Variants in AUH observed in about 807,000 individuals in gnomAD.
AUH encodes the protein AU RNA binding methylglutaconyl-CoA hydratase.
A neutral mutation model predicts 42.3 loss-of-function variants in AUH; 29 were observed. The observed-to-expected ratio is 0.69, with a 90% CI of 0.51 to 0.93. AUH has a LOEUF of 0.93. AUH is among the 40% of genes least tolerant of loss of function. The pLI, the probability that AUH is intolerant of heterozygous loss-of-function variation, is 0.00. For missense variants in AUH, 452 were observed against 438.1 expected (o/e 1.03, Z -0.28); for synonymous variants, 174 against 166.4 (o/e 1.05, Z -0.35).
intron 4 of AUH, among the ~76,000 whole-genome samples, chr9:91,310,982 A>T (rs1828660082): frequency 6.6e-6 from 1 of 152,198 alleles, no homozygotes; most frequent in Non-Finnish European, 1.5e-5. Context: ...ATAAAATTCA[A>T]ATGTATCCCA....
chr9:91,231,824 T>G (rs927618849), intron 6 of AUH, among the ~76,000 whole-genome samples: 2 of 152,044 alleles, frequency 1.3e-5, no homozygotes, highest in Admixed American at 6.6e-5. Context: ...GATTACGACA[T>G]CAGCAAGTAA....
In AUH at chr9:91,254,586, T is replaced by C. The variant is rs188454231; in HGVS notation, c.656-33594A>G. ...TGAGGGCAGGTAACAGAAGACTAAA[T>C]TAAAAGTGTGATAGTAGAAACAAAA... is the stretch of plus-strand genomic sequence containing the variant. On this transcript the variant is annotated intron_variant, in intron 6 of 9. Transcript: ENST00000375731. Among the ~76,000 whole-genome samples the C allele has an allele frequency of 1.4e-3, 211 of 152,264 alleles. 1 individual carries two copies. The highest frequency in any genetic ancestry group is 4.5e-3 in the African/African-American group (186 of 41,542).
chr9:91,253,046 TAAAC>T (rs1429778628), intron 6 of AUH, among the ~76,000 whole-genome samples: 1 of 152,226 alleles, frequency 6.6e-6, no homozygotes, highest in East Asian at 1.9e-4. Flanking sequence ...TACAATTTCT[TAAAC>T]AAAGCCCTTT....
chr9:91,358,864 G>A (rs979810615), intron 1 of AUH, among the ~76,000 whole-genome samples: 3 of 152,130 alleles, frequency 2.0e-5, no homozygotes, highest in African/African-American at 7.2e-5. Context: ...ACCATCAAAT[G>A]TATCTGTAGG....
In AUH at chr9:91,361,805, A is replaced by G; in HGVS notation, c.85T>C (p.Trp29Arg). The change falls in exon 1 of 10, where the codon TGG becomes CGG. Residue 29 changes from tryptophan to arginine, a missense_variant. Coordinates refer to ENST00000375731, the MANE Select transcript of AUH (RefSeq NM_001698.3). Reference protein sequence around the residue: ...GARLVAACSAWLCPGLRLPGS... With the variant: ...GARLVAACSARLCPGLRLPGS... ...GGCAGCCTCAACCCCGGGCAGAGCC[A>G]CGCACTGCAAGCGGCCACCAGGCGG... The G allele has an allele frequency of 6.6e-7, 1 of 1,525,862 alleles. No homozygotes were observed. Among genetic ancestry groups the G allele is most frequent in the Non-Finnish European group, 8.8e-7 (1 of 1,140,372 alleles). 94.5% of individuals were successfully genotyped at this position (1,525,862 alleles called of 1,614,324 possible). A position where few individuals can be genotyped will look rare whatever the true frequency, so the allele number is the denominator to read the frequency against.
At chr9:91,306,734 T>G (rs184899626) in intron 4 of AUH, among the ~76,000 whole-genome samples, 2 of 152,316 alleles carry the variant, frequency 1.3e-5, no homozygotes, top group African/African-American at 4.8e-5. Context: ...CACAGGGAAC[T>G]TGACAGTCTC....
chr9:91,324,972 A>G (rs1317231720), intron 4 of AUH, among the ~76,000 whole-genome samples: 1 of 152,086 alleles, frequency 6.6e-6, no homozygotes, highest in African/African-American at 2.4e-5. Context: ...TAAGTCTTAA[A>G]AAAGTATGAT....
At chr9:91,231,879 G>A (rs1313707642) in intron 6 of AUH, among the ~76,000 whole-genome samples, 4 of 152,188 alleles carry the variant, frequency 2.6e-5, no homozygotes. Context: ...GTACTACAGA[G>A]TATGAGGAGA....
In AUH at chr9:91,309,237, C is replaced by T. The variant is rs138318957; in HGVS notation, c.506-11161G>A. Among the ~76,000 whole-genome samples the T allele has an allele frequency of 4.2e-4, 64 of 151,964 alleles. 1 individual carries two copies. The highest frequency in any genetic ancestry group is 1.4e-3 in the African/African-American group (58 of 41,516). The stretch of plus-strand genomic sequence containing the variant: ...ACCCATGAGGGATCCACTCCCATGA[C>T]TCCAACACCTCCCACCAGGCCCCAC... On this transcript the variant is annotated intron_variant, in intron 4 of 9. Transcript: ENST00000375731.
chr9:91,335,949 C>T (rs1199892775), intron 3 of AUH, among the ~76,000 whole-genome samples: 1 of 152,078 alleles, frequency 6.6e-6, no homozygotes, highest in Non-Finnish European at 1.5e-5. Context: ...GTGCCTGAAA[C>T]GAATGCCTAG....
At chr9:91,308,338 G>A (rs1246920021) in intron 4 of AUH, among the ~76,000 whole-genome samples, 1 of 152,160 alleles carries the variant, frequency 6.6e-6, no homozygotes, top group African/African-American at 2.4e-5. Context: ...TTCAGCCTGG[G>A]CAAGAGAGCG....
At chr9:91,361,372 T>C (rs1325406010) in intron 1 of AUH, among the ~76,000 whole-genome samples, 1 of 152,190 alleles carries the variant, frequency 6.6e-6, no homozygotes, top group East Asian at 1.9e-4. Flanking sequence ...TGCACTTCTG[T>C]TTGCCGCGCT....
intron 8 of AUH, among the ~76,000 whole-genome samples, chr9:91,216,542 C>T (rs1031704075): frequency 6.6e-6 from 1 of 151,834 alleles, no homozygotes; most frequent in African/African-American, 2.4e-5. Flanking sequence ...TTAAATAAAC[C>T]AATCAAATAC....
chr9:91,330,624 T>G (rs530930559), intron 3 of AUH, among the ~76,000 whole-genome samples: 2 of 152,130 alleles, frequency 1.3e-5, no homozygotes, highest in African/African-American at 4.8e-5. Flanking sequence ...CTAAAAGACA[T>G]GTACAAGCAT....
chr9:91,288,535 C>T (rs1826600490), intron 6 of AUH, among the ~76,000 whole-genome samples: 1 of 151,874 alleles, frequency 6.6e-6, no homozygotes, highest in Admixed American at 6.6e-5. Context: ...TTTAAATGGG[C>T]CAGTGCTTCA....
At chr9:91,228,956 G>A (rs1827698682) in intron 6 of AUH, among the ~76,000 whole-genome samples, 1 of 152,200 alleles carries the variant, frequency 6.6e-6, no homozygotes, top group African/African-American at 2.4e-5. Context: ...CATTTGCTGA[G>A]GAGAGCTTTA....
intron 1 of AUH, among the ~76,000 whole-genome samples, chr9:91,359,241 ACACT>A (rs1463738343): frequency 6.6e-6 from 1 of 152,362 alleles, no homozygotes; most frequent in East Asian, 1.9e-4. Flanking sequence ...ATGAAAAAAT[ACACT>A]CAAAGTGAAA....
At chr9:91,215,728 A>T (rs1184934339) in intron 9 of AUH, among the ~76,000 whole-genome samples, 1 of 152,002 alleles carries the variant, frequency 6.6e-6, no homozygotes, top group African/African-American at 2.4e-5. Flanking sequence ...GCTCATCACC[A>T]CTCTCCTCTA....
chr9:91,259,110 A>T (rs1469948141), intron 6 of AUH, among the ~76,000 whole-genome samples: 1 of 152,132 alleles, frequency 6.6e-6, no homozygotes, highest in Non-Finnish European at 1.5e-5. Flanking sequence ...TTCTTCCTTA[A>T]ATGGCTGACT....
Sources: gnomAD v4.1 joint callset for allele counts (sites outside exome capture counted in the v4.1 genomes callset) on GRCh38, gnomAD v4.1.1 for gene constraint, MANE v1.5 for transcripts, NCBI Gene and HGNC (gene_info 2026-07-23, HGNC 2026-07-21) for gene names.